Variants in PPFIA2 observed in about 807,000 individuals in gnomAD.
PPFIA2 encodes the protein liprin-alpha-2.
A neutral mutation model predicts 175.5 loss-of-function variants in PPFIA2; 46 were observed. That is an observed-to-expected ratio of 0.26 (90% CI 0.21 to 0.34). PPFIA2 has a LOEUF of 0.34. Among genes scored for constraint, PPFIA2 ranks in the 10% least tolerant of loss-of-function variants. PPFIA2 has a pLI of 1.00. For synonymous variants in PPFIA2, 568 were observed against 511.4 expected (o/e 1.11, Z -1.49); for missense variants, 1,179 against 1,506.1 (o/e 0.78, Z 3.60).
chr12:81,647,420 AATG>A (rs1567707570), intron 4 of PPFIA2, among the ~76,000 whole-genome samples: 1 of 152,190 alleles, frequency 6.6e-6, no homozygotes, highest in African/African-American at 2.4e-5. Context: ...GAATTCTAAG[AATG>A]ATAAGAGGAA....
chr12:81,678,429 G>A (rs1333600255), intron 3 of PPFIA2, among the ~76,000 whole-genome samples: 1 of 151,790 alleles, frequency 6.6e-6, no homozygotes, highest in Non-Finnish European at 1.5e-5. Context: ...GGACAGGGAA[G>A]GATGGTGTTA....
rs2034435107 is a variant in PPFIA2, at chr12:81,258,514, G to C, written c.*1180C>G. 1 of 151,958 alleles carries C rather than the reference G, an allele frequency of 6.6e-6. No individual in the cohort carries two copies. The highest frequency in any genetic ancestry group is 1.5e-5 in the Non-Finnish European group (1 of 67,966). 9.4% of individuals were successfully genotyped at this position (151,958 alleles called of 1,614,324 possible). Reference sequence around the variant, plus strand: ...ACTTTGAATCTCCCATATAAACAAAGAATAAACAACAGTAACACCACCAAA... The same window carrying C: ...ACTTTGAATCTCCCATATAAACAAACAATAAACAACAGTAACACCACCAAA... On this transcript the variant is annotated 3_prime_UTR_variant, in exon 33 of 33. Transcript: ENST00000549396.
At chr12:81,337,825 T>C (rs1327548087) in intron 21 of PPFIA2, among the ~76,000 whole-genome samples, 1 of 152,270 alleles carries the variant, frequency 6.6e-6, no homozygotes, top group East Asian at 1.9e-4. Flanking sequence ...GGTCAACCAC[T>C]AGTTGTCAAA....
chr12:81,647,792 T>C (rs1406162984), intron 4 of PPFIA2, among the ~76,000 whole-genome samples: 1 of 142,386 alleles, frequency 7.0e-6, no homozygotes, highest in Non-Finnish European at 1.5e-5. Flanking sequence ...ATACATATAA[T>C]ATAATATATA....
chr12:81,710,323 C>A, intron 3 of PPFIA2, among the ~76,000 whole-genome samples: 1 of 151,892 alleles, frequency 6.6e-6, no homozygotes. Flanking sequence ...CACACACATA[C>A]ACACACACAA....
At chr12:81,581,271 C>A (rs183832137) in intron 4 of PPFIA2, among the ~76,000 whole-genome samples, 11 of 151,588 alleles carry the variant, frequency 7.3e-5, no homozygotes, top group African/African-American at 2.7e-4. Flanking sequence ...GGCACAAGAC[C>A]AGCAGATCAC....
intron 3 of PPFIA2, among the ~76,000 whole-genome samples, chr12:81,744,509 G>A (rs1365326942): frequency 2.7e-5 from 4 of 147,428 alleles, no homozygotes; most frequent in African/African-American, 1.0e-4. Flanking sequence ...TGCAACCTCT[G>A]ACTCCCGGGT....
At chr12:81,400,030 T>C (rs1193462444) in intron 8 of PPFIA2, among the ~76,000 whole-genome samples, 1 of 152,160 alleles carries the variant, frequency 6.6e-6, no homozygotes, top group African/African-American at 2.4e-5. Flanking sequence ...ATTGAAGACA[T>C]GCCTGTGGAT....
At chr12:81,517,107 C>CTTTTTTTT (rs34341719) in intron 4 of PPFIA2, among the ~76,000 whole-genome samples, 1 of 123,714 alleles carries the variant, frequency 8.1e-6, no homozygotes, top group Non-Finnish European at 1.7e-5. Context: ...CACATTGTAG[C>CTTTTTTTT]TTTTTTTTTT....
chr12:81,539,383 C>T (rs1370257755), intron 4 of PPFIA2, among the ~76,000 whole-genome samples: 2 of 151,884 alleles, frequency 1.3e-5, no homozygotes, highest in African/African-American at 2.4e-5. Flanking sequence ...CCAAGGTCTG[C>T]ATTTGCAGTA....
intron 4 of PPFIA2, among the ~76,000 whole-genome samples, chr12:81,647,437 C>A (rs915129567): frequency 2.0e-5 from 3 of 151,978 alleles, no homozygotes; most frequent in South Asian, 2.1e-4. Flanking sequence ...AGAGGAAAAG[C>A]GTAACCAGAA....
intron 3 of PPFIA2, among the ~76,000 whole-genome samples, chr12:81,736,234 CTT>C: frequency 6.6e-6 from 1 of 152,012 alleles, no homozygotes; most frequent in South Asian, 2.1e-4. Flanking sequence ...TTACATTTCT[CTT>C]AAAGTCTTCA....
At chr12:81,452,910 A>G (rs1251419796) in intron 5 of PPFIA2, among the ~76,000 whole-genome samples, 1 of 152,098 alleles carries the variant, frequency 6.6e-6, no homozygotes, top group African/African-American at 2.4e-5. Context: ...CAGCTTTATT[A>G]TTTATAACTA....
chr12:81,731,742 G>A (rs954417878), intron 3 of PPFIA2, among the ~76,000 whole-genome samples: 2 of 151,600 alleles, frequency 1.3e-5, no homozygotes, highest in Admixed American at 1.3e-4. Context: ...TAGAGAAGGT[G>A]AGTTAATCCC....
chr12:81,698,479 T>C (rs1034602369), intron 3 of PPFIA2, among the ~76,000 whole-genome samples: 1 of 152,084 alleles, frequency 6.6e-6, no homozygotes, highest in African/African-American at 2.4e-5. Context: ...CCTCCAGAAC[T>C]GTAAAAAATA....
chr12:81,668,839 A>C (rs1401316426), intron 4 of PPFIA2, among the ~76,000 whole-genome samples: 2 of 152,030 alleles, frequency 1.3e-5, no homozygotes, highest in Non-Finnish European at 2.9e-5. Context: ...ACTATGATTC[A>C]ACAATGGAAA....
In PPFIA2 at chr12:81,384,198, A is replaced by G. The variant is rs776985628; in HGVS notation, c.809T>C (p.Ile270Thr). ...SIDSTDETSQ[I>T]VELQELLEKQ... ...TTCAAGCAATTCTTGTAGTTCAACT[A>G]TTTGACTAGTTTCATCGGTTGAGTC... Residue 270 changes from isoleucine (I) to threonine (T), a missense_variant, in exon 9 of 33, where the codon ATA becomes ACA. Ile to Thr is a moderately conservative substitution (Grantham distance 89). Transcript: ENST00000549396. The G allele has an allele frequency of 2.8e-5, 45 of 1,607,250 alleles. No homozygotes were observed. The highest frequency in any genetic ancestry group is 6.8e-5 in the Admixed American group (4 of 58,924).
intron 13 of PPFIA2, 87 bp downstream of exon 13, chr12:81,368,638 C>T (rs1015664574): frequency 1.9e-5 from 25 of 1,298,638 alleles, no homozygotes; most frequent in Admixed American, 2.5e-5. Flanking sequence ...AATGGATCAT[C>T]TGACCATTAC....
intron 7 of PPFIA2, among the ~76,000 whole-genome samples, chr12:81,406,261 G>GT (rs904580633): frequency 2.0e-4 from 31 of 152,022 alleles, no homozygotes; most frequent in African/African-American, 7.5e-4. Context: ...TAATAAAAAT[G>GT]TTTTTTTGGT....
Sources: allele counts gnomAD v4.1 joint callset (sites outside exome capture counted in the v4.1 genomes callset), GRCh38; gene constraint gnomAD v4.1.1; transcripts MANE v1.5; gene names NCBI Gene and HGNC (gene_info 2026-07-23, HGNC 2026-07-21).